CTXND1: variants seen among roughly 807,000 people sequenced by gnomAD.
The protein encoded by CTXND1 is cortexin domain containing 1.
intron 1 of CTXND1, among the ~76,000 whole-genome samples, chr15:80,213,647 C>T (rs574794501): frequency 1.3e-4 from 20 of 151,896 alleles, no homozygotes; most frequent in Admixed American, 2.6e-4. Flanking sequence ...AATCTAAAGA[C>T]GTAAAGAGAA....
At chr15:80,233,592 T>A (rs1000994412) in intron 1 of CTXND1, among the ~76,000 whole-genome samples, 2 of 152,080 alleles carry the variant, frequency 1.3e-5, no homozygotes, top group African/African-American at 4.8e-5. Context: ...TCCCAAGGAT[T>A]CTTCCTCCCT....
chr15:80,227,892 T>C (rs954135557), intron 1 of CTXND1, among the ~76,000 whole-genome samples: 6 of 152,242 alleles, frequency 3.9e-5, no homozygotes, highest in Non-Finnish European at 8.8e-5. Flanking sequence ...GGACTCTTCC[T>C]CTTATGAAAG....
chr15:80,224,846 C>A (rs936983227), intron 1 of CTXND1, among the ~76,000 whole-genome samples: 1 of 152,188 alleles, frequency 6.6e-6, no homozygotes, highest in African/African-American at 2.4e-5. Flanking sequence ...TGGATTCAAG[C>A]GATTCTCCTG....
intron 1 of CTXND1, among the ~76,000 whole-genome samples, chr15:80,226,799 A>T (rs901324989): frequency 3.3e-5 from 5 of 152,158 alleles, no homozygotes; most frequent in African/African-American, 4.8e-5. Flanking sequence ...TGAAATTCCT[A>T]TACCCGTCTG....
At chr15:80,250,297 T>G (rs546182957) in intron 1 of CTXND1, among the ~76,000 whole-genome samples, 1 of 152,088 alleles carries the variant, frequency 6.6e-6, no homozygotes, top group Non-Finnish European at 1.5e-5. Context: ...AATCACAATT[T>G]ATAAGCAAGC....
At chr15:80,238,209 C>T (rs1309924837) in intron 1 of CTXND1, among the ~76,000 whole-genome samples, 1 of 152,122 alleles carries the variant, frequency 6.6e-6, no homozygotes, top group African/African-American at 2.4e-5. Context: ...AATGACTCAC[C>T]CAGAGCAACT....
intron 1 of CTXND1, among the ~76,000 whole-genome samples, chr15:80,222,868 A>G (rs1313728192): frequency 6.6e-6 from 1 of 152,136 alleles, no homozygotes; most frequent in East Asian, 1.9e-4. Flanking sequence ...TTTCTTAGAT[A>G]TATTTGTTAT....
chr15:80,217,852 A>G (rs1314212628), intron 1 of CTXND1, among the ~76,000 whole-genome samples: 1 of 152,114 alleles, frequency 6.6e-6, no homozygotes, highest in Non-Finnish European at 1.5e-5. Flanking sequence ...CAGCCCACTA[A>G]TAGTTTAAGT....
intron 1 of CTXND1, among the ~76,000 whole-genome samples, chr15:80,242,685 C>G (rs1398886995): frequency 1.3e-5 from 2 of 152,164 alleles, no homozygotes; most frequent in Admixed American, 6.5e-5. Flanking sequence ...AAAGTTGGCC[C>G]TTGGAGAATT....
chr15:80,217,111 G>C (rs1438978557), intron 1 of CTXND1, among the ~76,000 whole-genome samples: 3 of 152,070 alleles, frequency 2.0e-5, no homozygotes, highest in African/African-American at 7.2e-5. Context: ...AGGCTCTAGT[G>C]CCAGGACACA....
intron 1 of CTXND1, among the ~76,000 whole-genome samples, chr15:80,242,740 T>G (rs894316770): frequency 6.6e-6 from 1 of 152,172 alleles, no homozygotes; most frequent in Non-Finnish European, 1.5e-5. Flanking sequence ...TTGGCTACAC[T>G]GGGGCTGCCT....
intron 1 of CTXND1, among the ~76,000 whole-genome samples, chr15:80,210,992 C>G (rs1220388657): frequency 2.0e-5 from 3 of 152,174 alleles, no homozygotes; most frequent in African/African-American, 7.2e-5. Flanking sequence ...CTCCTAAAAG[C>G]CCTATCTTCA....
chr15:80,243,826 C>A (rs922787359), intron 1 of CTXND1, among the ~76,000 whole-genome samples: 1 of 152,192 alleles, frequency 6.6e-6, no homozygotes, highest in African/African-American at 2.4e-5. Context: ...GGAGCAATGA[C>A]ACCCCTTCTT....
At chr15:80,227,523 T>A (rs903557592) in intron 1 of CTXND1, among the ~76,000 whole-genome samples, 4 of 145,018 alleles carry the variant, frequency 2.8e-5, no homozygotes, top group Non-Finnish European at 6.2e-5. Flanking sequence ...TGGGTTCGGT[T>A]CTAGACCACC....
At position 80,238,008 on chromosome 15, in the gene CTXND1, C is replaced by CAAAAAAA. The variant is rs57718635; in HGVS notation, c.-218+13992_-218+13998dup. ...TGGGAGACAGAGTGAGACTCCATCT[C>CAAAAAAA]AAAAAAAAAAAAAAAAAAAAAATTA... On this transcript the variant is annotated intron_variant, in intron 1 of 2. Coordinates refer to ENST00000560778, the MANE Select transcript of CTXND1 (RefSeq NM_001352888.2). Among the ~76,000 whole-genome samples the CAAAAAAA allele has an allele frequency of 7.4e-4, 57 of 77,046 alleles. 1 individual carries two copies. The highest frequency in any genetic ancestry group is 2.9e-3 in the East Asian group (9 of 3,122). The allele number at this position is 77,046 out of a possible 152,430, so 50.5% of individuals were successfully genotyped here.
intron 1 of CTXND1, among the ~76,000 whole-genome samples, chr15:80,242,071 C>T (rs1893574576): frequency 6.6e-6 from 1 of 152,140 alleles, no homozygotes; most frequent in Admixed American, 6.5e-5. Flanking sequence ...CAGGACATTC[C>T]TGTTTTATAG....
intron 1 of CTXND1, among the ~76,000 whole-genome samples, chr15:80,233,224 G>A (rs1213808362): frequency 6.6e-6 from 1 of 152,026 alleles, no homozygotes; most frequent in African/African-American, 2.4e-5. Flanking sequence ...CAGGCGTGAG[G>A]CACTGTGCCT....
chr15:80,236,521 G>A (rs569681734), intron 1 of CTXND1, among the ~76,000 whole-genome samples: 50 of 152,290 alleles, frequency 3.3e-4, no homozygotes, highest in African/African-American at 1.1e-3. Flanking sequence ...GGTGGCTCAC[G>A]CCTATAATCC....
At chr15:80,245,937 A>G (rs1178313960) in intron 1 of CTXND1, among the ~76,000 whole-genome samples, 1 of 152,200 alleles carries the variant, frequency 6.6e-6, no homozygotes, top group Non-Finnish European at 1.5e-5. Flanking sequence ...CACTTTTGTA[A>G]TGAAAATCAA....
Sources: allele counts gnomAD v4.1 joint callset (sites outside exome capture counted in the v4.1 genomes callset), GRCh38; gene constraint gnomAD v4.1.1; transcripts MANE v1.5; gene names NCBI Gene and HGNC (gene_info 2026-07-23, HGNC 2026-07-21).